The following FERMT1 variants were observed in gnomAD, a reference collection of about 807,000 sequenced individuals.
The protein encoded by FERMT1 is fermitin family homolog 1.
In FERMT1, 60 loss-of-function variants were observed where a neutral mutation model predicts 85.3. The observed-to-expected ratio is 0.70, with a 90% CI of 0.57 to 0.87. The LOEUF is 0.87. FERMT1 is among the 40% of genes least tolerant of loss of function. The pLI is 0.00. For missense variants in FERMT1, 701 were observed against 818.9 expected, an observed-to-expected ratio of 0.86 and a Z score of 1.76; for synonymous variants, 275 against 301.1, an observed-to-expected ratio of 0.91 and a Z score of 0.90.
intron 9 of FERMT1, among the ~76,000 whole-genome samples, chr20:6,092,189 C>T (rs559523387): frequency 3.4e-4 from 52 of 152,108 alleles, no homozygotes; most frequent in Non-Finnish European, 6.5e-4. Flanking sequence ...TTTGTCATCC[C>T]GGATCAGTTT....
chr20:6,095,954 A>T (rs1982487747), intron 8 of FERMT1, among the ~76,000 whole-genome samples: 1 of 152,252 alleles, frequency 6.6e-6, no homozygotes, highest in Non-Finnish European at 1.5e-5. Flanking sequence ...ATTAATAATT[A>T]TTCCCATGGC....
At position 6,077,203 on chromosome 20, in the gene FERMT1, C is replaced by A. The variant is rs749106204; in HGVS notation, c.2004G>T (p.Leu668Phe). ...KDQNETLDED[L>F]FHKLTGGQD The stretch of plus-strand genomic sequence containing the variant: ...CCTGACCGCCGGTCAATTTGTGGAA[C>A]AAGTCCTCATCGAGTGTTTCATTCT... The change falls in exon 15 of 15, where the codon TTG becomes TTT. Residue 668 changes from leucine (L) to phenylalanine (F), a missense_variant. Coordinates refer to ENST00000217289, the MANE Select transcript of FERMT1 (RefSeq NM_017671.5). 2.5e-6 allele frequency: 4 copies of A among 1,614,014 alleles called. No individual in the cohort carries two copies. The African/African-American group carries it at 4.0e-5, about 16-fold the overall frequency.
chr20:6,116,746 A>G (rs1983114035), intron 2 of FERMT1, among the ~76,000 whole-genome samples: 2 of 149,832 alleles, frequency 1.3e-5, no homozygotes, highest in Non-Finnish European at 3.0e-5. Flanking sequence ...AAAAAAATGG[A>G]AAATAGGGAC....
intron 8 of FERMT1, 41 bp downstream of exon 8, chr20:6,096,861 G>T: frequency 6.5e-7 from 1 of 1,529,584 alleles, no homozygotes; most frequent in East Asian, 2.6e-5. Context: ...TTGTCAATCA[G>T]AAGAAAGCCA....
At chr20:6,114,972 C>T (rs1174094723) in intron 3 of FERMT1, among the ~76,000 whole-genome samples, 3 of 152,146 alleles carry the variant, frequency 2.0e-5, no homozygotes, top group East Asian at 1.9e-4. Flanking sequence ...GGGATTTTAG[C>T]TCTGTATTGC....
At chr20:6,113,074 C>T (rs1436641803) in intron 3 of FERMT1, among the ~76,000 whole-genome samples, 1 of 151,980 alleles carries the variant, frequency 6.6e-6, no homozygotes, top group Admixed American at 6.5e-5. Flanking sequence ...GTCAGAGGGG[C>T]CCAGTGGGAG....
At chr20:6,120,168 TA>T (rs534141550) in intron 1 of FERMT1, among the ~76,000 whole-genome samples, 2 of 151,620 alleles carry the variant, frequency 1.3e-5, no homozygotes, top group African/African-American at 2.4e-5. Context: ...GCTCAAAAAA[TA>T]AAAAAAAGCA....
At chr20:6,095,397 C>T (rs1240140171) in intron 8 of FERMT1, among the ~76,000 whole-genome samples, 1 of 152,160 alleles carries the variant, frequency 6.6e-6, no homozygotes, top group Non-Finnish European at 1.5e-5. Flanking sequence ...CAAGTACTCC[C>T]TATAACTATC....
intron 6 of FERMT1, among the ~76,000 whole-genome samples, chr20:6,101,656 T>G (rs1199255721): frequency 6.6e-6 from 1 of 152,222 alleles, no homozygotes; most frequent in African/African-American, 2.4e-5. Flanking sequence ...TATGTTTGTT[T>G]GTTTATTTAT....
At chr20:6,090,539 G>A (rs1982327738) in intron 9 of FERMT1, among the ~76,000 whole-genome samples, 1 of 151,526 alleles carries the variant, frequency 6.6e-6, no homozygotes, top group Admixed American at 6.6e-5. Context: ...AGAATTGCCT[G>A]AGGCCAGGAG....
At chr20:6,097,706 G>A in intron 6 of FERMT1, 75 bp from the exon 7 acceptor site, 1 of 1,028,670 alleles carries the variant, frequency 9.7e-7, no homozygotes, top group Admixed American at 1.7e-5. Context: ...TGAAACAACT[G>A]AGGCCATTCT....
rs1357715693 is a variant in FERMT1, at chr20:6,110,300, T to C, written c.744A>G (p.Ala248=). 1 of 1,611,002 alleles carries C rather than the reference T, an allele frequency of 6.2e-7. No homozygotes were observed. Among genetic ancestry groups the C allele is most frequent in the African/African-American group, 1.3e-5 (1 of 74,818 alleles). The change falls in exon 5 of 15, where the codon GCA becomes GCG. Residue 248 remains alanine, a splice_region_variant and synonymous_variant. Coordinates refer to ENST00000217289, the MANE Select transcript of FERMT1 (RefSeq NM_017671.5). ...AGTAAAAGGAGCCGTGTCCTTACCCTGCATTGAGCTTGGCTTTATCAACCA... is the reference window on the plus strand; with the variant it reads ...AGTAAAAGGAGCCGTGTCCTTACCCCGCATTGAGCTTGGCTTTATCAACCA... The part of the protein sequence containing the change: ...RSLVDKAKLN[A]GWLDSSRSLM...
intron 6 of FERMT1, among the ~76,000 whole-genome samples, chr20:6,101,478 T>C (rs1055791617): frequency 2.0e-5 from 3 of 152,200 alleles, no homozygotes; most frequent in African/African-American, 7.2e-5. Flanking sequence ...ATCCTACTTA[T>C]CTAGGGAACA....
intron 7 of FERMT1, 40 bp downstream of exon 7, chr20:6,097,484 T>C: frequency 6.9e-7 from 1 of 1,440,170 alleles, no homozygotes; most frequent in Non-Finnish European, 9.8e-7. Flanking sequence ...ACAAACTTGG[T>C]TTGTCTCCTT....
intron 2 of FERMT1, 139 bp downstream of exon 2, chr20:6,119,265 T>TC: frequency 3.3e-6 from 3 of 909,576 alleles, no homozygotes; most frequent in Non-Finnish European, 5.2e-6. Flanking sequence ...TTTCTTTCTC[T>TC]CCTCTGGGAT....
At chr20:6,091,937 A>ATAT (rs1982381557) in intron 9 of FERMT1, among the ~76,000 whole-genome samples, 2 of 142,428 alleles carry the variant, frequency 1.4e-5, no homozygotes, top group South Asian at 4.5e-4. Context: ...TCTCGTTAGA[A>ATAT]TTTTTTTTTT....
At chr20:6,085,957 G>A (rs748968621) in intron 11 of FERMT1, among the ~76,000 whole-genome samples, 7 of 151,974 alleles carry the variant, frequency 4.6e-5, no homozygotes, top group Non-Finnish European at 8.8e-5. Flanking sequence ...TGGCTAACAT[G>A]GTGAAACCCC....
chr20:6,097,585 G>T lies in FERMT1; in HGVS notation c.896C>A (p.Ala299Asp). The change falls in exon 7 of 15, where the codon GCC becomes GAC. Residue 299 changes from alanine (A) to aspartate (D), a missense_variant. By Grantham distance (126) the Ala-to-Asp change is moderately radical. Coordinates refer to ENST00000217289, the MANE Select transcript of FERMT1 (RefSeq NM_017671.5). Reference sequence around the variant, plus strand: ...GCAATCAATTTCTTCTAAGAGAATGGCCCACCTGGCTTGCTCATAGAGTTG... The same window carrying T: ...GCAATCAATTTCTTCTAAGAGAATGTCCCACCTGGCTTGCTCATAGAGTTG... ...INQLYEQARW[A>D]ILLEEIDCTE... 2 of 1,613,948 alleles carry T rather than the reference G, an allele frequency of 1.2e-6. No homozygotes were observed. Among genetic ancestry groups the T allele is most frequent in the Non-Finnish European group, 1.7e-6 (2 of 1,179,958 alleles).
intron 8 of FERMT1, among the ~76,000 whole-genome samples, chr20:6,095,939 A>G (rs2123116687): frequency 6.6e-6 from 1 of 152,358 alleles, no homozygotes; most frequent in African/African-American, 2.4e-5. Context: ...CTCTGATTCA[A>G]TGTGATTAAT....
Sources: allele counts gnomAD v4.1 joint callset (sites outside exome capture counted in the v4.1 genomes callset), GRCh38; gene constraint gnomAD v4.1.1; transcripts MANE v1.5; gene names NCBI Gene and HGNC (gene_info 2026-07-23, HGNC 2026-07-21).